Variants in TRIM29 observed in about 807,000 individuals in gnomAD.
The protein encoded by TRIM29 is tripartite motif-containing protein 29.
TRIM29 carries 52 observed loss-of-function variants against 57.3 expected under a neutral mutation model. The observed-to-expected ratio is 0.91, with a 90% CI of 0.73 to 1.14. TRIM29 has a LOEUF of 1.14. TRIM29 is among the 50% of genes most tolerant of loss of function. TRIM29 has a pLI of 0.00. For synonymous variants in TRIM29, 319 were observed against 316.9 expected, an observed-to-expected ratio of 1.01 and a Z score of -0.07; for missense variants, 753 against 774.6, an observed-to-expected ratio of 0.97 and a Z score of 0.33.
chr11:120,115,241 C>G (rs964060842), intron 8 of TRIM29, 97 bp downstream of exon 8: 15 of 1,230,494 alleles, frequency 1.2e-5, no homozygotes, highest in Admixed American at 7.9e-5. Flanking sequence ...CCAGAGAAGT[C>G]CTCCCACAGG....
intron 8 of TRIM29, among the ~76,000 whole-genome samples, chr11:120,114,079 GC>G (rs1863205667): frequency 6.6e-6 from 1 of 152,158 alleles, no homozygotes; most frequent in African/African-American, 2.4e-5. Context: ...GCTGGGGCCA[GC>G]CCCCAGGGAA....
intron 8 of TRIM29, among the ~76,000 whole-genome samples, chr11:120,114,424 C>A (rs1863215025): frequency 6.6e-6 from 1 of 152,214 alleles, no homozygotes; most frequent in Non-Finnish European, 1.5e-5. Context: ...CCAACCCCAG[C>A]CATTCTTTGT....
chr11:120,132,682 T>C (rs1303938581), intron 1 of TRIM29, among the ~76,000 whole-genome samples: 1 of 152,232 alleles, frequency 6.6e-6, no homozygotes, highest in African/African-American at 2.4e-5. Flanking sequence ...GATCTTCCCC[T>C]GGCCTGAATT....
At chr11:120,118,592 C>T (rs944594269) in intron 6 of TRIM29, among the ~76,000 whole-genome samples, 11 of 152,146 alleles carry the variant, frequency 7.2e-5, no homozygotes, top group African/African-American at 2.7e-4. Flanking sequence ...AGAGCTCTGT[C>T]GTGAGTTGCT....
At chr11:120,127,199 T>G in intron 3 of TRIM29, 137 bp downstream of exon 3, 1 of 708,622 alleles carries the variant, frequency 1.4e-6, no homozygotes, top group Non-Finnish European at 2.3e-6. Context: ...GATGGATGGT[T>G]GGATGGCTGG....
chr11:120,135,878 C>G (rs1202999043), intron 1 of TRIM29, among the ~76,000 whole-genome samples: 1 of 152,116 alleles, frequency 6.6e-6, no homozygotes, highest in Admixed American at 6.5e-5. Flanking sequence ...CTTTGGAGGC[C>G]AGGAAGGTTT....
intron 1 of TRIM29, among the ~76,000 whole-genome samples, chr11:120,131,210 G>C (rs1459743737): frequency 6.6e-6 from 1 of 152,132 alleles, no homozygotes; most frequent in Non-Finnish European, 1.5e-5. Flanking sequence ...TGCAGAGGAG[G>C]AAAGGTCTCC....
At chr11:120,136,748 C>A (rs994646496) in intron 1 of TRIM29, among the ~76,000 whole-genome samples, 2 of 150,832 alleles carry the variant, frequency 1.3e-5, no homozygotes, top group African/African-American at 4.9e-5. Context: ...TCCCCAGGGG[C>A]CAGTCCGACT....
intron 1 of TRIM29, among the ~76,000 whole-genome samples, chr11:120,129,627 C>G (rs182170542): frequency 1.3e-5 from 2 of 152,308 alleles, no homozygotes; most frequent in South Asian, 4.1e-4. Context: ...CAACACCATG[C>G]GGCACACCTT....
chr11:120,129,914 T>C (rs932047527), intron 1 of TRIM29, among the ~76,000 whole-genome samples: 1 of 151,832 alleles, frequency 6.6e-6, no homozygotes, highest in Admixed American at 6.6e-5. Context: ...GGAAATGCCA[T>C]AGCATGGAAA....
At chr11:120,113,408 C>T (rs927337583) in intron 8 of TRIM29, 7 of 306,068 alleles carry the variant, frequency 2.3e-5, no homozygotes, top group South Asian at 6.0e-5. Context: ...TGCTCACCCA[C>T]GCAAGCACCA....
At chr11:120,114,790 A>C (rs891096411) in intron 8 of TRIM29, among the ~76,000 whole-genome samples, 1 of 152,158 alleles carries the variant, frequency 6.6e-6, no homozygotes, top group Non-Finnish European at 1.5e-5. Context: ...CCTGGACCCC[A>C]AAGCCATGCT....
chr11:120,136,702 C>A (rs547548703), intron 1 of TRIM29, among the ~76,000 whole-genome samples: 3 of 151,864 alleles, frequency 2.0e-5, no homozygotes, highest in African/African-American at 7.3e-5. Context: ...CCCCAAAATT[C>A]TCTCCTTCTA....
At chr11:120,134,372 C>T (rs1334053230) in intron 1 of TRIM29, among the ~76,000 whole-genome samples, 2 of 152,202 alleles carry the variant, frequency 1.3e-5, no homozygotes, top group Non-Finnish European at 2.9e-5. Context: ...TCACCACTGG[C>T]CTGCGGAACG....
chr11:120,134,376 C>T (rs949088251), intron 1 of TRIM29, among the ~76,000 whole-genome samples: 1 of 152,184 alleles, frequency 6.6e-6, no homozygotes, highest in East Asian at 1.9e-4. Context: ...CACTGGCCTG[C>T]GGAACGGGTT....
At position 120,115,467 on chromosome 11, in the gene TRIM29, G is replaced by A. The variant is rs61095798; in HGVS notation, c.1628-53C>T. The A allele has an allele frequency of 2.0e-6, 3 of 1,520,160 alleles. No homozygotes were observed. The Admixed American group carries it at 5.3e-5, about 27-fold the overall frequency. 94.2% of individuals were successfully genotyped at this position (1,520,160 alleles called of 1,614,324 possible). A position where few individuals can be genotyped will look rare whatever the true frequency, so the allele number is the denominator to read the frequency against. On this transcript the variant is annotated intron_variant, in intron 7 of 8. Transcript: ENST00000341846. ...GGGAGCAGCGCTGGTGGTCAGGGGT[G>A]CCCGGGCCCAGAGCAGCACAGCTGC...
intron 4 of TRIM29, chr11:120,123,535 T>C: frequency 2.3e-6 from 1 of 442,116 alleles, no homozygotes; most frequent in Non-Finnish European, 4.6e-6. Context: ...GCTGGCAGCC[T>C]AAGGTGAGGG....
Position 120,112,297 on chromosome 11 carries a change from G to T in TRIM29, c.*117C>A, listed in dbSNP as rs1863152743. The T allele has an allele frequency of 4.8e-6, 6 of 1,241,756 alleles. No homozygotes were observed. Among genetic ancestry groups the T allele is most frequent in the Non-Finnish European group, 2.3e-6 (2 of 873,208 alleles). 76.9% of individuals were successfully genotyped at this position (1,241,756 alleles called of 1,614,324 possible). On this transcript the variant is annotated 3_prime_UTR_variant, in exon 9 of 9. Coordinates refer to ENST00000341846, the MANE Select transcript of TRIM29 (RefSeq NM_012101.4). Reference sequence around the variant, plus strand: ...AAGAGGCTGGCAGAGGGCTGCAGAGGGCAGGTGCAGGACCAGGCTCCCTCC... The same window carrying T: ...AAGAGGCTGGCAGAGGGCTGCAGAGTGCAGGTGCAGGACCAGGCTCCCTCC...
At chr11:120,131,823 G>C (rs897162305) in intron 1 of TRIM29, among the ~76,000 whole-genome samples, 1 of 149,966 alleles carries the variant, frequency 6.7e-6, no homozygotes, top group African/African-American at 2.5e-5. Flanking sequence ...AAGTCGCTGG[G>C]CTCTCCTTCA....
Sources: gnomAD v4.1 joint callset for allele counts (sites outside exome capture counted in the v4.1 genomes callset) on GRCh38, gnomAD v4.1.1 for gene constraint, MANE v1.5 for transcripts, NCBI Gene and HGNC (gene_info 2026-07-23, HGNC 2026-07-21) for gene names.